The following MRPL54 variants were observed in gnomAD, a reference collection of about 807,000 sequenced individuals.
The protein encoded by MRPL54 is large ribosomal subunit protein mL54.
Under a neutral mutation model 15.6 loss-of-function variants are expected in MRPL54, and 12 were observed. That is an observed-to-expected ratio of 0.77 (90% CI 0.49 to 1.24). The LOEUF is 1.24. Ranked by LOEUF, MRPL54 falls within the 50% of genes most tolerant of loss-of-function variation. The pLI is 0.00. For missense variants in MRPL54, 178 were observed against 186.8 expected (o/e 0.95, Z 0.28); for synonymous variants, 91 against 75.7 (o/e 1.20, Z -1.05).
At chr19:3,763,242 C>T (rs929301352) in intron 1 of MRPL54, among the ~76,000 whole-genome samples, 1 of 152,212 alleles carries the variant, frequency 6.6e-6, no homozygotes, top group Non-Finnish European at 1.5e-5. Context: ...AATTATGGAG[C>T]CCGTTTAATT....
In MRPL54 at chr19:3,767,323, A is replaced by C. The variant is rs747654364; in HGVS notation, c.347A>C (p.Glu116Ala). ...GAGGAGCTGGACCCCGAGAGCCGGG[A>C]GTACTGGCGGCGGCTGCGGAAACAG... is the stretch of plus-strand genomic sequence containing the variant. The part of the protein sequence containing the change: ...TLEELDPESR[E>A]YWRRLRKQNI... The change falls in exon 3 of 3, where the codon GAG (glutamate) becomes GCG (alanine). Residue 116 changes from glutamate (E) to alanine (A), a missense_variant. Coordinates refer to ENST00000330133, the MANE Select transcript of MRPL54 (RefSeq NM_172251.3). 5.6e-6 allele frequency: 9 copies of C among 1,611,616 alleles called. No homozygotes were observed. The highest frequency in any genetic ancestry group is 7.6e-6 in the Non-Finnish European group (9 of 1,179,128).
intron 1 of MRPL54, among the ~76,000 whole-genome samples, chr19:3,763,499 G>C (rs1432503076): frequency 6.6e-6 from 1 of 152,066 alleles, no homozygotes; most frequent in Non-Finnish European, 1.5e-5. Flanking sequence ...TCGAGGCCAG[G>C]CATGATGGCT....
intron 2 of MRPL54, 24 bp downstream of exon 2, chr19:3,765,355 C>T: frequency 6.2e-7 from 1 of 1,610,568 alleles, no homozygotes; most frequent in East Asian, 2.2e-5. Flanking sequence ...GCTGTGTCAT[C>T]CTGCAATGAC....
chr19:3,767,198 C>A, intron 2 of MRPL54, 63 bp from the exon 3 acceptor site: 1 of 1,552,850 alleles, frequency 6.4e-7, no homozygotes. Flanking sequence ...CCCGAGGTGC[C>A]CGGGACACCA....
At chr19:3,763,093 G>C (rs2145730096) in intron 1 of MRPL54, among the ~76,000 whole-genome samples, 1 of 152,356 alleles carries the variant, frequency 6.6e-6, no homozygotes, top group Admixed American at 6.5e-5. Flanking sequence ...GAGACCACGC[G>C]TTTCACTGCG....
chr19:3,765,695 C>T (rs140566768), intron 2 of MRPL54, among the ~76,000 whole-genome samples: 2,389 of 152,028 alleles, frequency 0.016, 65 homozygotes, highest in African/African-American at 0.054. Context: ...GTCAGGAGTT[C>T]GAGACCAGCC....
At chr19:3,767,172 C>A (rs1250498833) in intron 2 of MRPL54, 89 bp from the exon 3 acceptor site, 8 of 1,486,656 alleles carry the variant, frequency 5.4e-6, no homozygotes, top group Non-Finnish European at 7.1e-6. Flanking sequence ...GGCACCCAGC[C>A]CCGTCGCCGC....
In MRPL54 at chr19:3,764,378, C is replaced by T. The variant is rs563832170; in HGVS notation, c.119-788C>T. Among the ~76,000 whole-genome samples, 7 of 150,048 alleles carry T rather than the reference C, an allele frequency of 4.7e-5. No individual in the cohort carries two copies. In the East Asian group the frequency reaches 6.2e-4, roughly 13 times the overall value. On this transcript the variant is annotated intron_variant, in intron 1 of 2. Coordinates refer to ENST00000330133, the MANE Select transcript of MRPL54 (RefSeq NM_172251.3). Reference sequence around the variant, plus strand: ...GATTACAGGCGTGAGCCGCCGCGCCCGGCCGGGCTGTCTTTATTTTTTAAT... The same window carrying T: ...GATTACAGGCGTGAGCCGCCGCGCCTGGCCGGGCTGTCTTTATTTTTTAAT...
intron 1 of MRPL54, 114 bp downstream of exon 1, chr19:3,762,932 C>A: frequency 1.2e-6 from 1 of 865,354 alleles, no homozygotes. Flanking sequence ...CGCAGAGAGG[C>A]GGATGCCAGG....
Position 3,767,505 on chromosome 19 carries a change from C to G in MRPL54, c.*112C>G. The G allele has an allele frequency of 1.4e-6, 2 of 1,450,250 alleles. No homozygotes were observed. Among genetic ancestry groups the G allele is most frequent in the Non-Finnish European group, 1.9e-6 (2 of 1,078,886 alleles). 89.8% of individuals were successfully genotyped at this position (1,450,250 alleles called of 1,614,324 possible). On this transcript the variant is annotated 3_prime_UTR_variant, in exon 3 of 3. Coordinates refer to ENST00000330133, the MANE Select transcript of MRPL54 (RefSeq NM_172251.3). ...TCCCCAGCCTGGGTTTCCATGTGAC[C>G]CCACAGTGGGGCTGGACCAGGGCCC... is the stretch of plus-strand genomic sequence containing the variant.
At position 3,762,949 on chromosome 19, in the gene MRPL54, G is replaced by A. The variant is rs184609278; in HGVS notation, c.118+131G>A. ...CAGAGAGGCGGATGCCAGGCTGTAT[G>A]CGCAGGCGCAGTTTGAGGGACCCAG... On this transcript the variant is annotated intron_variant, in intron 1 of 2. Transcript: ENST00000330133. 6 of 757,616 alleles carry A rather than the reference G, an allele frequency of 7.9e-6. No homozygotes were observed. The East Asian group carries it at 1.2e-4, about 16-fold the overall frequency. 46.9% of individuals were successfully genotyped at this position (757,616 alleles called of 1,614,324 possible). A position where few individuals can be genotyped will look rare whatever the true frequency, so the allele number is the denominator to read the frequency against.
In MRPL54 at chr19:3,762,826, G is replaced by C; in HGVS notation, c.118+8G>C. 1.9e-6 allele frequency: 3 copies of C among 1,553,674 alleles called. No homozygotes were observed. The highest frequency in any genetic ancestry group is 1.7e-6 in the Non-Finnish European group (2 of 1,147,930). ...ATTATGCCAAGAAACCAGGTGAGCT[G>C]GGTTAAGAGGAACCAAATGGGGACG... On this transcript the variant is annotated splice_region_variant and intron_variant, in intron 1 of 2. Transcript: ENST00000330133.
Position 3,767,318 on chromosome 19 carries a change from C to T in MRPL54, c.342C>T (p.Ser114=), listed in dbSNP as rs1264692568. 4.3e-6 allele frequency: 7 copies of T among 1,611,892 alleles called. No individual in the cohort carries two copies. The highest frequency in any genetic ancestry group is 5.9e-6 in the Non-Finnish European group (7 of 1,179,244). ...CCCTGGAGGAGCTGGACCCCGAGAG[C>T]CGGGAGTACTGGCGGCGGCTGCGGA... The part of the protein sequence containing the change: ...PKTLEELDPE[S]REYWRRLRKQ... The change falls in exon 3 of 3, where the codon AGC becomes AGT. Residue 114 remains serine (S), a synonymous_variant. Coordinates refer to ENST00000330133, the MANE Select transcript of MRPL54 (RefSeq NM_172251.3).
intron 1 of MRPL54, among the ~76,000 whole-genome samples, chr19:3,764,885 G>A (rs139432404): frequency 0.013 from 1,954 of 151,974 alleles, 13 homozygotes; most frequent in Non-Finnish European, 0.017. Context: ...AAAATTAGCT[G>A]GGCGTGGTGG....
In MRPL54 at chr19:3,765,288, G is replaced by C; in HGVS notation, c.241G>C (p.Gly81Arg). The C allele has an allele frequency of 1.9e-6, 3 of 1,613,958 alleles. No homozygotes were observed. Among genetic ancestry groups the C allele is most frequent in the Non-Finnish European group, 1.7e-6 (2 of 1,179,944 alleles). ...CATGGGCGTCAACATCTACAAGGAA[G>C]GGCAGGATGTACCCCTGAAACCGGA... ...YAMGVNIYKE[G>R]QDVPLKPDAE... Residue 81 changes from glycine to arginine, a missense_variant, in exon 2 of 3, where the codon GGG (glycine) becomes CGG (arginine). Coordinates refer to ENST00000330133, the MANE Select transcript of MRPL54 (RefSeq NM_172251.3).
chr19:3,765,754 C>T (rs1229878624), intron 2 of MRPL54, among the ~76,000 whole-genome samples: 5 of 151,730 alleles, frequency 3.3e-5, no homozygotes, highest in African/African-American at 4.8e-5. Context: ...AAAAATTAGC[C>T]GGGTGTGGTG....
In MRPL54 at chr19:3,762,753, C is replaced by T. The variant is rs1211795696; in HGVS notation, c.53C>T (p.Ala18Val). ...GATRTWAGWG[A>V]WELLNPATSG... ...ACCCGGACGTGGGCCGGCTGGGGGG[C>T]CTGGGAGCTCCTAAACCCCGCCACT... Residue 18 changes from alanine to valine, a missense_variant, in exon 1 of 3, where the codon GCC becomes GTC. Coordinates refer to ENST00000330133, the MANE Select transcript of MRPL54 (RefSeq NM_172251.3). 8 of 1,609,898 alleles carry T rather than the reference C, an allele frequency of 5.0e-6. No individual in the cohort carries two copies. Among genetic ancestry groups the T allele is most frequent in the African/African-American group, 4.0e-5 (3 of 74,664 alleles).
chr19:3,764,186 C>T (rs920291904), intron 1 of MRPL54, among the ~76,000 whole-genome samples: 1 of 149,798 alleles, frequency 6.7e-6, no homozygotes, highest in Non-Finnish European at 1.5e-5. Flanking sequence ...GGGTTCACGC[C>T]ATTCTCCTGC....
At chr19:3,763,932 T>A (rs527375785) in intron 1 of MRPL54, among the ~76,000 whole-genome samples, 15 of 147,228 alleles carry the variant, frequency 1.0e-4, no homozygotes, top group South Asian at 4.4e-4. Context: ...AATAAATAAA[T>A]AAAAATAAAA....
Sources: gnomAD v4.1 joint callset for allele counts (sites outside exome capture counted in the v4.1 genomes callset) on GRCh38, gnomAD v4.1.1 for gene constraint, MANE v1.5 for transcripts, NCBI Gene and HGNC (gene_info 2026-07-23, HGNC 2026-07-21) for gene names.